SGMS1: variants seen among roughly 807,000 people sequenced by gnomAD.
The protein encoded by SGMS1 is phosphatidylcholine:ceramide cholinephosphotransferase 1.
In SGMS1, 13 loss-of-function variants were observed where a neutral mutation model predicts 46.2. The observed-to-expected ratio is 0.28, with a 90% CI of 0.18 to 0.45. The LOEUF (loss-of-function observed/expected upper bound fraction) is 0.45. Ranked by LOEUF, SGMS1 falls within the 20% of genes least tolerant of loss-of-function variation. The pLI is 1.00. For synonymous variants in SGMS1, 203 were observed against 187.8 expected, an observed-to-expected ratio of 1.08 and a Z score of -0.66; for missense variants, 324 against 519.9, an observed-to-expected ratio of 0.62 and a Z score of 3.66.
At chr10:50,539,908 A>G (rs541258727) in intron 2 of SGMS1, among the ~76,000 whole-genome samples, 2 of 152,314 alleles carry the variant, frequency 1.3e-5, no homozygotes, top group South Asian at 4.1e-4. Flanking sequence ...TGCAACTGAA[A>G]GTTTAATTTA....
At chr10:50,436,695 C>A (rs929707876) in intron 5 of SGMS1, among the ~76,000 whole-genome samples, 22 of 152,134 alleles carry the variant, frequency 1.4e-4, no homozygotes, top group African/African-American at 4.6e-4. Flanking sequence ...CAAAGCTGAG[C>A]CTGCTACCCC....
chr10:50,415,487 G>C (rs1849157821), intron 6 of SGMS1, among the ~76,000 whole-genome samples: 1 of 152,144 alleles, frequency 6.6e-6, no homozygotes, highest in African/African-American at 2.4e-5. Context: ...CTTTCAACAT[G>C]CTCAAGAATT....
intron 2 of SGMS1, among the ~76,000 whole-genome samples, chr10:50,571,397 A>T (rs1057210335): frequency 6.6e-6 from 1 of 152,250 alleles, no homozygotes; most frequent in Admixed American, 6.5e-5. Context: ...CTGAAGACTC[A>T]GAAGGATATT....
chr10:50,512,820 C>T (rs994009446), intron 3 of SGMS1, among the ~76,000 whole-genome samples: 3 of 152,186 alleles, frequency 2.0e-5, no homozygotes, highest in Admixed American at 6.5e-5. Context: ...TTCAGCAGGA[C>T]TTCCTCTTAA....
intron 6 of SGMS1, among the ~76,000 whole-genome samples, chr10:50,384,444 C>G (rs1164735495): frequency 7.0e-6 from 1 of 142,900 alleles, no homozygotes; most frequent in Admixed American, 7.0e-5. Flanking sequence ...TCCCTCTTTC[C>G]TCTCTTTCTC....
At chr10:50,406,864 C>G (rs1564904328) in intron 6 of SGMS1, among the ~76,000 whole-genome samples, 1 of 151,984 alleles carries the variant, frequency 6.6e-6, no homozygotes, top group East Asian at 1.9e-4. Flanking sequence ...ATCACCACAC[C>G]TAGGTAATTT....
chr10:50,484,044 G>C (rs79187810), intron 3 of SGMS1, among the ~76,000 whole-genome samples: 1 of 152,210 alleles, frequency 6.6e-6, no homozygotes, highest in East Asian at 1.9e-4. Flanking sequence ...ACCAAGATCA[G>C]AGCAGAACTG....
At chr10:50,371,089 G>A (rs114321090) in intron 6 of SGMS1, among the ~76,000 whole-genome samples, 16 of 152,112 alleles carry the variant, frequency 1.1e-4, no homozygotes, top group African/African-American at 3.4e-4. Context: ...GCTTTTATAC[G>A]GATGGCAGTG....
chr10:50,351,221 C>G (rs1848006408), intron 6 of SGMS1, among the ~76,000 whole-genome samples: 1 of 152,164 alleles, frequency 6.6e-6, no homozygotes, highest in Non-Finnish European at 1.5e-5. Flanking sequence ...TGGCCAATTT[C>G]CCCCATTTGG....
At chr10:50,625,175 G>A, upstream of SGMS1, 1 of 577,098 alleles carries the variant, frequency 1.7e-6, no homozygotes, top group Non-Finnish European at 2.2e-6. Flanking sequence ...CGGCGAAATC[G>A]AGACAACAGA....
intron 3 of SGMS1, among the ~76,000 whole-genome samples, chr10:50,513,811 G>T (rs756264990): frequency 6.6e-6 from 1 of 152,162 alleles, no homozygotes; most frequent in African/African-American, 2.4e-5. Flanking sequence ...CCTAATGGCT[G>T]TTTCACATCA....
chr10:50,314,232 T>C (rs1449240308), intron 8 of SGMS1, among the ~76,000 whole-genome samples: 1 of 151,664 alleles, frequency 6.6e-6, no homozygotes, highest in Non-Finnish European at 1.5e-5. Context: ...TAGCAAAGCT[T>C]AAAAGAAAAA....
intron 3 of SGMS1, among the ~76,000 whole-genome samples, chr10:50,485,795 T>G (rs1455138192): frequency 6.6e-6 from 1 of 151,974 alleles, no homozygotes; most frequent in East Asian, 1.9e-4. Context: ...AACTACTTGG[T>G]AGGCTGAGGC....
intron 5 of SGMS1, among the ~76,000 whole-genome samples, chr10:50,454,744 G>C (rs953353515): frequency 1.7e-4 from 26 of 152,274 alleles, no homozygotes; most frequent in African/African-American, 5.3e-4. Context: ...TGTGGCACTT[G>C]ATAAAGCTTA....
chr10:50,380,377 T>TAAA (rs1167912604), intron 6 of SGMS1, among the ~76,000 whole-genome samples: 1 of 96,934 alleles, frequency 1.0e-5, no homozygotes, highest in African/African-American at 3.7e-5. Context: ...AGACTCTGTA[T>TAAA]CAAAAAAAAA....
chr10:50,314,246 G>A (rs751222671), intron 8 of SGMS1, among the ~76,000 whole-genome samples: 12 of 152,064 alleles, frequency 7.9e-5, no homozygotes, highest in Non-Finnish European at 1.3e-4. Context: ...AGAAAAAAGA[G>A]TGAGCTAATG....
At chr10:50,352,935 G>C (rs1156668054) in intron 6 of SGMS1, among the ~76,000 whole-genome samples, 1 of 152,126 alleles carries the variant, frequency 6.6e-6, no homozygotes, top group Non-Finnish European at 1.5e-5. Context: ...CTGAAATTGA[G>C]GCAATAATCA....
chr10:50,328,116 G>A (rs765640343), intron 7 of SGMS1: 11 of 378,408 alleles, frequency 2.9e-5, no homozygotes, highest in Admixed American at 8.0e-5. Context: ...ATGTAGGTTT[G>A]TATCTATCTA....
chr10:50,544,087 C>G (rs1317685892), intron 2 of SGMS1, among the ~76,000 whole-genome samples: 1 of 152,202 alleles, frequency 6.6e-6, no homozygotes, highest in Non-Finnish European at 1.5e-5. Context: ...ATTTCTTAAA[C>G]ATTTATTTCT....
Sources: gnomAD v4.1 joint callset for allele counts (sites outside exome capture counted in the v4.1 genomes callset) on GRCh38, gnomAD v4.1.1 for gene constraint, MANE v1.5 for transcripts, NCBI Gene and HGNC (gene_info 2026-07-23, HGNC 2026-07-21) for gene names.